The following ROBO2 variants were observed in gnomAD, a reference collection of about 807,000 sequenced individuals.
ROBO2 encodes roundabout homolog 2.
Under a neutral mutation model 160.8 loss-of-function variants are expected in ROBO2, and 53 were observed. That is an observed-to-expected ratio of 0.33 (90% CI 0.26 to 0.41). The LOEUF is 0.41. ROBO2 is among the 10% of genes least tolerant of loss of function. The pLI is 1.00. For synonymous variants in ROBO2, 664 were observed against 611.7 expected (o/e 1.09, Z -1.26); for missense variants, 1,577 against 1,722.4 (o/e 0.92, Z 1.49).
intron 2 of ROBO2, among the ~76,000 whole-genome samples, chr3:77,354,107 ATGT>A (rs1460358010): frequency 6.6e-6 from 1 of 152,162 alleles, no homozygotes; most frequent in Admixed American, 6.5e-5. Flanking sequence ...TTGTTTGAGG[ATGT>A]TGTTCTCTGC....
chr3:75,938,374 G>A (rs1478196915), intron 2 of ROBO2, among the ~76,000 whole-genome samples: 1 of 151,946 alleles, frequency 6.6e-6, no homozygotes, highest in African/African-American at 2.4e-5. Context: ...ATTATTTTTG[G>A]AGGTGTGTTG....
At chr3:77,135,337 G>T (rs375679526) in intron 2 of ROBO2, among the ~76,000 whole-genome samples, 1 of 152,168 alleles carries the variant, frequency 6.6e-6, no homozygotes, top group Non-Finnish European at 1.5e-5. Flanking sequence ...TCTGTGGTGG[G>T]TATGTCTTAT....
intron 2 of ROBO2, among the ~76,000 whole-genome samples, chr3:76,712,825 T>A (rs1401230576): frequency 6.6e-6 from 1 of 152,142 alleles, no homozygotes; most frequent in Non-Finnish European, 1.5e-5. Context: ...CTTCATTTCT[T>A]ATATTAGAAT....
chr3:77,594,995 A>G, intron 17 of ROBO2, 147 bp from the exon 19 acceptor site: 1 of 617,798 alleles, frequency 1.6e-6, no homozygotes, highest in East Asian at 2.8e-5. Context: ...ACTGCTTGTT[A>G]CTCTCTGTAC....
intron 1 of ROBO2, among the ~76,000 whole-genome samples, chr3:77,071,118 C>T (rs571247693): frequency 2.3e-4 from 35 of 152,242 alleles, no homozygotes; most frequent in Middle Eastern, 3.4e-3. Flanking sequence ...GACTGTTTCT[C>T]GCAGTCTCTT....
intron 1 of ROBO2, among the ~76,000 whole-genome samples, chr3:77,096,130 T>C (rs2071030020): frequency 6.6e-6 from 1 of 152,186 alleles, no homozygotes; most frequent in Middle Eastern, 3.4e-3. Flanking sequence ...ATACTGAGAG[T>C]GAACTGAGGT....
chr3:76,859,079 CCAAATTTTGAATATGGG>C (rs2070454480), intron 2 of ROBO2, among the ~76,000 whole-genome samples: 2 of 152,096 alleles, frequency 1.3e-5, no homozygotes, highest in South Asian at 4.1e-4. Context: ...GTTCTAGGAT[CCAAATTTTGAATATGGG>C]CATCACTTGC....
At chr3:77,271,571 A>G (rs1033582496) in intron 2 of ROBO2, among the ~76,000 whole-genome samples, 5 of 152,352 alleles carry the variant, frequency 3.3e-5, no homozygotes, top group African/African-American at 1.2e-4. Context: ...ACAGTCTGCT[A>G]TTCTTAGCTA....
intron 2 of ROBO2, among the ~76,000 whole-genome samples, chr3:76,859,856 A>G (rs1479150720): frequency 6.6e-6 from 1 of 152,182 alleles, no homozygotes; most frequent in Non-Finnish European, 1.5e-5. Flanking sequence ...GCTGTTTAAA[A>G]TTAAAGATGA....
intron 2 of ROBO2, among the ~76,000 whole-genome samples, chr3:76,784,486 T>G (rs1198055783): frequency 6.6e-6 from 1 of 151,202 alleles, no homozygotes; most frequent in Non-Finnish European, 1.5e-5. Context: ...CTTCTTCCAA[T>G]ACAGCAGAGT....
chr3:77,413,003 G>GGCACTTT (rs1226710094), intron 2 of ROBO2, among the ~76,000 whole-genome samples: 1 of 152,040 alleles, frequency 6.6e-6, no homozygotes, highest in African/African-American at 2.4e-5. Context: ...GGTAGCTTGG[G>GGCACTTT]TCCAGCCAGC....
Position 77,490,193 on chromosome 3 carries a change from C to T in ROBO2, c.668-3051C>T, listed in dbSNP as rs565228749. Among the ~76,000 whole-genome samples the T allele has an allele frequency of 2.6e-5, 4 of 151,416 alleles. No individual in the cohort carries two copies. The South Asian group carries it at 8.4e-4, about 32-fold the overall frequency. On this transcript the variant is annotated intron_variant, in intron 4 of 25. Coordinates refer to ENST00000461745, the Ensembl canonical transcript of ROBO2. ...TCGGCTCACTGCAAGCTCCGCCTCC[C>T]GGGTTCACACCATTCTCCTGCCTCA... is the stretch of plus-strand genomic sequence containing the variant.
At chr3:76,009,133 T>A (rs184492683) in intron 2 of ROBO2, among the ~76,000 whole-genome samples, 13 of 152,266 alleles carry the variant, frequency 8.5e-5, no homozygotes, top group African/African-American at 2.9e-4. Flanking sequence ...GACTGAGTCT[T>A]GCTCTGTCGC....
intron 2 of ROBO2, among the ~76,000 whole-genome samples, chr3:76,187,646 C>A (rs1701827433): frequency 6.6e-6 from 1 of 152,006 alleles, no homozygotes; most frequent in Admixed American, 6.6e-5. Context: ...CAACATGATT[C>A]ATTCATTTAT....
At chr3:77,061,400 T>C (rs538014144) in intron 1 of ROBO2, among the ~76,000 whole-genome samples, 1 of 152,178 alleles carries the variant, frequency 6.6e-6, no homozygotes, top group African/African-American at 2.4e-5. Flanking sequence ...TTACCTTTTT[T>C]AAAATTTTTA....
chr3:77,111,401 A>C, intron 2 of ROBO2, among the ~76,000 whole-genome samples: 1 of 152,306 alleles, frequency 6.6e-6, no homozygotes, highest in East Asian at 1.9e-4. Flanking sequence ...AGCTATCTTA[A>C]GTAGACATTA....
At chr3:77,212,075 T>A (rs547289102) in intron 2 of ROBO2, among the ~76,000 whole-genome samples, 1 of 152,288 alleles carries the variant, frequency 6.6e-6, no homozygotes, top group South Asian at 2.1e-4. Flanking sequence ...TTTGGTTCCA[T>A]ATGAGCTTGA....
chr3:76,730,211 TCCTACTCCCTACCCACCTCTCCTC>T (rs1394732321), intron 2 of ROBO2, among the ~76,000 whole-genome samples: 23 of 84,478 alleles, frequency 2.7e-4, no homozygotes, highest in African/African-American at 8.7e-4. Flanking sequence ...TGTCCTCACC[TCCTACTCCCTACCCACCTCTCCTC>T]ACCTCCTACT....
chr3:76,424,270 T>C (rs1180499742), intron 2 of ROBO2, among the ~76,000 whole-genome samples: 1 of 152,190 alleles, frequency 6.6e-6, no homozygotes, highest in African/African-American at 2.4e-5. Flanking sequence ...TTATCAATAT[T>C]TTTAAAGTGT....
Sources: allele counts gnomAD v4.1 joint callset (sites outside exome capture counted in the v4.1 genomes callset), GRCh38; gene constraint gnomAD v4.1.1; transcripts MANE v1.5; gene names NCBI Gene and HGNC (gene_info 2026-07-23, HGNC 2026-07-21).